FERMT1: variants seen among roughly 807,000 people sequenced by gnomAD.
FERMT1 encodes the protein fermitin family homolog 1.
In FERMT1, 60 loss-of-function variants were observed where a neutral mutation model predicts 85.3. The observed-to-expected ratio is 0.70, with a 90% CI of 0.57 to 0.87. The LOEUF is 0.87. Among genes scored for constraint, FERMT1 ranks in the 40% least tolerant of loss-of-function variants. The pLI, the probability that FERMT1 is intolerant of heterozygous loss-of-function variation, is 0.00. For synonymous variants in FERMT1, 275 were observed against 301.1 expected (o/e 0.91, Z 0.90); for missense variants, 701 against 818.9 (o/e 0.86, Z 1.76).
Position 6,109,220 on chromosome 20 carries a change from T to A in FERMT1, c.746+1078A>T, listed in dbSNP as rs114412819. ...AGCCTCAAATAAAGGGACAATGTGATGTTGGAGTGAGCAAAGTGTCAGGAC... is the reference window on the plus strand; with the variant it reads ...AGCCTCAAATAAAGGGACAATGTGAAGTTGGAGTGAGCAAAGTGTCAGGAC... On this transcript the variant is annotated intron_variant, in intron 5 of 14. Transcript: ENST00000217289. 4.2e-3 allele frequency among the ~76,000 whole-genome samples: 646 copies of A among 152,180 alleles called. 5 individuals are homozygous for A. The highest frequency in any genetic ancestry group is 0.015 in the African/African-American group (622 of 41,516).
At chr20:6,114,833 AC>A (rs1324453253) in intron 3 of FERMT1, among the ~76,000 whole-genome samples, 28 of 152,262 alleles carry the variant, frequency 1.8e-4, no homozygotes, top group African/African-American at 3.4e-4. Flanking sequence ...TTTTTGGGGT[AC>A]TATCCATCCC....
chr20:6,076,371 G>A lies in FERMT1; in HGVS notation c.*802C>T. ...CCCAACCCAGAGTAGAAGCAGTGGA[G>A]ACATGGATCTGGGTTGAGAAATGGG... On this transcript the variant is annotated 3_prime_UTR_variant, in exon 15 of 15. Transcript: ENST00000217289. The A allele has an allele frequency of 2.0e-6, 1 of 489,230 alleles. No individual in the cohort carries two copies. The highest frequency in any genetic ancestry group is 5.8e-5 in the East Asian group (1 of 17,148). The allele number at this position is 489,230 out of a possible 1,614,324, so 30.3% of individuals were successfully genotyped here. A position where few individuals can be genotyped will look rare whatever the true frequency, so the allele number is the denominator to read the frequency against.
At chr20:6,099,975 G>A (rs1216822078) in intron 6 of FERMT1, among the ~76,000 whole-genome samples, 4 of 148,278 alleles carry the variant, frequency 2.7e-5, no homozygotes, top group African/African-American at 1.0e-4. Flanking sequence ...GACAGAGAGA[G>A]ACTATCTCAG....
chr20:6,105,347 G>C (rs1008451682), intron 6 of FERMT1, among the ~76,000 whole-genome samples: 9 of 152,132 alleles, frequency 5.9e-5, no homozygotes, highest in African/African-American at 2.2e-4. Flanking sequence ...ATTATCAGGT[G>C]GTCCACAAGC....
intron 14 of FERMT1, among the ~76,000 whole-genome samples, chr20:6,079,144 T>G (rs1981922599): frequency 6.6e-6 from 1 of 152,214 alleles, no homozygotes; most frequent in Non-Finnish European, 1.5e-5. Context: ...AATCCTATGC[T>G]GAGTCAATGA....
intron 2 of FERMT1, among the ~76,000 whole-genome samples, chr20:6,118,719 C>G (rs1259886861): frequency 3.9e-5 from 6 of 152,126 alleles, no homozygotes; most frequent in Non-Finnish European, 8.8e-5. Flanking sequence ...CTGAAGATTT[C>G]TTTCTTTGTT....
intron 14 of FERMT1, 83 bp from the exon 15 acceptor site, chr20:6,077,429 G>T: frequency 7.8e-7 from 1 of 1,281,418 alleles, no homozygotes; most frequent in Non-Finnish European, 1.1e-6. Flanking sequence ...GGCCCCTGGA[G>T]CTGAGGGCTG....
intron 6 of FERMT1, among the ~76,000 whole-genome samples, chr20:6,098,217 T>G (rs1398513384): frequency 6.6e-6 from 1 of 152,140 alleles, no homozygotes; most frequent in Non-Finnish European, 1.5e-5. Flanking sequence ...TAGTAATAGA[T>G]AGTAAAAATG....
chr20:6,112,375 A>G, intron 4 of FERMT1, 102 bp downstream of exon 4: 2 of 1,229,540 alleles, frequency 1.6e-6, no homozygotes, highest in Non-Finnish European at 1.2e-6. Flanking sequence ...CAGTTCTGCA[A>G]TTTTATTTCT....
At chr20:6,107,719 CAT>C (rs1472751858) in intron 5 of FERMT1, 85 bp from the exon 6 acceptor site, 17 of 686,540 alleles carry the variant, frequency 2.5e-5, no homozygotes, top group Non-Finnish European at 3.7e-5. Flanking sequence ...TTATATACTA[CAT>C]ATATATATCC....
At chr20:6,098,424 T>G (rs12625819) in intron 6 of FERMT1, among the ~76,000 whole-genome samples, 12,176 of 152,072 alleles carry the variant, frequency 0.08, 1,050 homozygotes, top group East Asian at 0.47. Flanking sequence ...AGAACAATGT[T>G]GAGTAAAGCA....
In FERMT1 at chr20:6,085,059, A is replaced by T; in HGVS notation, c.1593+7T>A. Reference sequence around the variant, plus strand: ...GCAAACAATTGCCCTAACAAGATTAACAGTACCTGTTTGGATTTGTGTCTT... The same window carrying T: ...GCAAACAATTGCCCTAACAAGATTATCAGTACCTGTTTGGATTTGTGTCTT... On this transcript the variant is annotated splice_region_variant and intron_variant, in intron 12 of 14. Transcript: ENST00000217289. 2 of 1,606,338 alleles carry T rather than the reference A, an allele frequency of 1.2e-6. No individual in the cohort carries two copies. The highest frequency in any genetic ancestry group is 1.7e-6 in the Non-Finnish European group (2 of 1,172,932).
At chr20:6,111,948 C>T (rs1273371629) in intron 4 of FERMT1, among the ~76,000 whole-genome samples, 4 of 151,978 alleles carry the variant, frequency 2.6e-5, no homozygotes, top group Admixed American at 2.6e-4. Flanking sequence ...CCGCAACTTC[C>T]ACCCTCAGGG....
chr20:6,097,598 G>T lies in FERMT1; in HGVS notation c.883C>A (p.Gln295Lys). ...DAVRINQLYE[Q>K]ARWAILLEEI... ...TCTAAGAGAATGGCCCACCTGGCTT[G>T]CTCATAGAGTTGGTTTATTCGGACA... is the stretch of plus-strand genomic sequence containing the variant. Residue 295 changes from glutamine to lysine, a missense_variant, in exon 7 of 15, where the codon CAA becomes AAA. By Grantham distance (53) the Gln-to-Lys change is moderately conservative. Coordinates refer to ENST00000217289, the MANE Select transcript of FERMT1 (RefSeq NM_017671.5). 1 of 1,613,952 alleles carries T rather than the reference G, an allele frequency of 6.2e-7. No homozygotes were observed. The highest frequency in any genetic ancestry group is 1.1e-5 in the South Asian group (1 of 91,056).
rs142825013 is a variant in FERMT1, at chr20:6,079,504, C to T, written c.1792G>A (p.Gly598Arg). Residue 598 changes from glycine to arginine, a missense_variant, in exon 14 of 15, where the codon GGG becomes AGG. Transcript: ENST00000217289. ...AATCTCCATGTTGTCACTGGAATCC[C>T]GGTGGCTGCATCAATTTTAATCAAC... is the stretch of plus-strand genomic sequence containing the variant. ...NRLIKIDAAT[G>R]IPVTTWRFTN... 68 of 1,613,882 alleles carry T rather than the reference C, an allele frequency of 4.2e-5. No homozygotes were observed. The East Asian group carries it at 6.9e-4, about 16-fold the overall frequency.
In FERMT1 at chr20:6,107,615, A is replaced by T. The variant is rs752267522; in HGVS notation, c.766T>A (p.Ser256Thr). The T allele has an allele frequency of 3.1e-6, 5 of 1,610,204 alleles. No individual in the cohort carries two copies. In the African/African-American group the frequency reaches 6.7e-5, roughly 22 times the overall value. ...TCTTGGATGCCTTGTTCCATAAGGGAGCGTGAGGAGTCTAGCCAACTAGAA... is the reference window on the plus strand; with the variant it reads ...TCTTGGATGCCTTGTTCCATAAGGGTGCGTGAGGAGTCTAGCCAACTAGAA... ...LNAGWLDSSR[S>T]LMEQGIQEDE... Residue 256 changes from serine to threonine, a missense_variant, in exon 6 of 15, where the codon TCC becomes ACC. Coordinates refer to ENST00000217289, the MANE Select transcript of FERMT1 (RefSeq NM_017671.5).
chr20:6,088,585 T>TGG (rs2123106134), intron 10 of FERMT1, among the ~76,000 whole-genome samples: 1 of 151,526 alleles, frequency 6.6e-6, no homozygotes, highest in East Asian at 1.9e-4. Flanking sequence ...AAGTAAACCG[T>TGG]GCCTCATGGT....
chr20:6,083,659 C>CCG (rs1340448076), intron 13 of FERMT1, among the ~76,000 whole-genome samples: 3 of 125,692 alleles, frequency 2.4e-5, no homozygotes, highest in African/African-American at 9.3e-5. Context: ...TGAGACACCC[C>CCG]CCCCCCCGGC....
At chr20:6,114,792 G>T (rs1983053051) in intron 3 of FERMT1, among the ~76,000 whole-genome samples, 1 of 152,076 alleles carries the variant, frequency 6.6e-6, no homozygotes, top group African/African-American at 2.4e-5. Flanking sequence ...CCCAACCCTG[G>T]CATTCCCAAT....
Sources: gnomAD v4.1 joint callset for allele counts (sites outside exome capture counted in the v4.1 genomes callset) on GRCh38, gnomAD v4.1.1 for gene constraint, MANE v1.5 for transcripts, NCBI Gene and HGNC (gene_info 2026-07-23, HGNC 2026-07-21) for gene names.